The following CIB4 variants were observed in gnomAD, a reference collection of about 807,000 sequenced individuals.
The protein encoded by CIB4 is calcium and integrin binding family member 4.
CIB4 carries 25 observed loss-of-function variants against 25.8 expected under a neutral mutation model. The ratio of observed to expected loss-of-function variants is 0.97; its 90% CI spans 0.71 to 1.35. The LOEUF is 1.35. Ranked by LOEUF, CIB4 falls within the 40% of genes most tolerant of loss-of-function variation. The pLI is 0.00. For synonymous variants in CIB4, 75 were observed against 81.4 expected, an observed-to-expected ratio of 0.92 and a Z score of 0.42; for missense variants, 235 against 228.2, an observed-to-expected ratio of 1.03 and a Z score of -0.19.
chr2:26,586,255 C>A (rs926062261), intron 4 of CIB4, among the ~76,000 whole-genome samples: 1 of 152,164 alleles, frequency 6.6e-6, no homozygotes, highest in Non-Finnish European at 1.5e-5. Context: ...CAAGTCAGCC[C>A]GCCCTCACTC....
chr2:26,601,227 AAAAAATATATATATAT>A (rs1558561011), intron 3 of CIB4, among the ~76,000 whole-genome samples: 2 of 44,380 alleles, frequency 4.5e-5, no homozygotes, highest in Admixed American at 3.4e-4. Context: ...CAAAAAAAAA[AAAAAATATATATATAT>A]ATATATATAT....
At chr2:26,601,596 A>G (rs1365338648) in intron 3 of CIB4, among the ~76,000 whole-genome samples, 1 of 152,176 alleles carries the variant, frequency 6.6e-6, no homozygotes, top group African/African-American at 2.4e-5. Flanking sequence ...GGATATCTTC[A>G]TAATCTCGGG....
chr2:26,640,691 C>T, intron 1 of CIB4, 124 bp from the exon 2 acceptor site: 1 of 1,045,368 alleles, frequency 9.6e-7, no homozygotes, highest in Middle Eastern at 2.3e-4. Flanking sequence ...GCTGGGGGAA[C>T]CCCAGGTTGA....
chr2:26,637,955 A>T (rs1669564325), intron 2 of CIB4, among the ~76,000 whole-genome samples: 1 of 152,136 alleles, frequency 6.6e-6, no homozygotes, highest in African/African-American at 2.4e-5. Flanking sequence ...GGAGTTGGAT[A>T]CTTTGCCCTC....
rs1669375115 is a variant in CIB4 at position 26,629,500 on chromosome 2, A to G, written c.96T>C (p.His32=). 1 of 1,567,958 alleles carries G rather than the reference A, an allele frequency of 6.4e-7. No individual in the cohort carries two copies. Among genetic ancestry groups the G allele is most frequent in the East Asian group, 2.3e-5 (1 of 43,304 alleles). Residue 32 remains histidine, a synonymous_variant, in exon 3 of 7, where the codon CAT becomes CAC. Transcript: ENST00000288861. ...FLTRNEILCI[H]DTFLKLCPPG... is the part of the protein sequence containing the mutation. Reference sequence around the variant, plus strand: ...GAGGGCAGAGCTTCAGGAAGGTGTCATGGATGCTGAAAAGAGAGGCATGAA... The same window carrying G: ...GAGGGCAGAGCTTCAGGAAGGTGTCGTGGATGCTGAAAAGAGAGGCATGAA...
chr2:26,581,957 A>T (rs1282429690), intron 6 of CIB4, among the ~76,000 whole-genome samples: 1 of 152,196 alleles, frequency 6.6e-6, no homozygotes, highest in African/African-American at 2.4e-5. Context: ...TATAAACTTG[A>T]CCACTGCAGG....
In CIB4 at chr2:26,583,933, G is replaced by C. The variant is rs1558552294; in HGVS notation, c.329-35C>G. ...AGAGGCCAGGCCTGCATTAGACGGA[G>C]CTGGGGGCTAAACAGGAAGAGGACT... On this transcript the variant is annotated intron_variant, in intron 4 of 6. Transcript: ENST00000288861. 3.6e-6 allele frequency: 5 copies of C among 1,371,942 alleles called. No homozygotes were observed. In the African/African-American group the frequency reaches 4.2e-5, roughly 12 times the overall value. 85.0% of individuals were successfully genotyped at this position (1,371,942 alleles called of 1,614,324 possible).
intron 2 of CIB4, among the ~76,000 whole-genome samples, chr2:26,638,559 C>T (rs1350414286): frequency 6.6e-6 from 1 of 152,064 alleles, no homozygotes; most frequent in Non-Finnish European, 1.5e-5. Flanking sequence ...CATTTGAAGC[C>T]CCTGGGTTAG....
intron 3 of CIB4, among the ~76,000 whole-genome samples, chr2:26,609,109 G>GT (rs1229081541): frequency 6.6e-6 from 1 of 152,216 alleles, no homozygotes. Context: ...CGCTTTGCTG[G>GT]TTTTATCGAA....
intron 4 of CIB4, among the ~76,000 whole-genome samples, chr2:26,586,274 T>A (rs1668451189): frequency 6.6e-6 from 1 of 152,160 alleles, no homozygotes; most frequent in Non-Finnish European, 1.5e-5. Context: ...TCTGCCTCCT[T>A]GCTCAGTCAA....
At chr2:26,595,583 G>A (rs556031244) in intron 3 of CIB4, among the ~76,000 whole-genome samples, 1 of 152,374 alleles carries the variant, frequency 6.6e-6, no homozygotes, top group South Asian at 2.1e-4. Flanking sequence ...TAATGCAAAT[G>A]CAAATGAACA....
At chr2:26,617,782 C>T (rs1183860719) in intron 3 of CIB4, among the ~76,000 whole-genome samples, 1 of 152,216 alleles carries the variant, frequency 6.6e-6, no homozygotes, top group East Asian at 1.9e-4. Flanking sequence ...ATCCTTTGCC[C>T]TCTGGCTGAG....
At chr2:26,587,995 T>C (rs1668488554) in intron 4 of CIB4, among the ~76,000 whole-genome samples, 1 of 152,192 alleles carries the variant, frequency 6.6e-6, no homozygotes, top group Admixed American at 6.5e-5. Flanking sequence ...CCCTCACTCC[T>C]CCAGCAGTGC....
At chr2:26,590,211 C>T (rs1668558828) in intron 4 of CIB4, among the ~76,000 whole-genome samples, 1 of 144,316 alleles carries the variant, frequency 6.9e-6, no homozygotes, top group South Asian at 2.2e-4. Flanking sequence ...CCAGGACATA[C>T]CCAATACCAT....
At chr2:26,592,411 G>A (rs899505674) in intron 4 of CIB4, among the ~76,000 whole-genome samples, 2 of 152,220 alleles carry the variant, frequency 1.3e-5, no homozygotes, top group Non-Finnish European at 2.9e-5. Flanking sequence ...GTGGACAGGT[G>A]GGGCCCATGA....
At chr2:26,587,447 G>A (rs1668479896) in intron 4 of CIB4, among the ~76,000 whole-genome samples, 1 of 150,984 alleles carries the variant, frequency 6.6e-6, no homozygotes. Flanking sequence ...TACTGTCTTT[G>A]GCCACCAAAT....
chr2:26,638,998 T>C (rs563217968), intron 2 of CIB4, among the ~76,000 whole-genome samples: 2 of 148,838 alleles, frequency 1.3e-5, no homozygotes, highest in South Asian at 2.1e-4. Flanking sequence ...CAGAACAGTA[T>C]GAAGGGATAA....
intron 4 of CIB4, among the ~76,000 whole-genome samples, chr2:26,592,734 G>A (rs548173357): frequency 2.0e-5 from 3 of 152,054 alleles, no homozygotes; most frequent in South Asian, 2.1e-4. Flanking sequence ...CAATTCTCTC[G>A]TTAAGCTCAT....
intron 3 of CIB4, among the ~76,000 whole-genome samples, chr2:26,622,457 G>A (rs1669224808): frequency 6.6e-6 from 1 of 152,168 alleles, no homozygotes. Flanking sequence ...GGGGAACAAG[G>A]AGTGAGGAAT....
Sources: allele counts gnomAD v4.1 joint callset (sites outside exome capture counted in the v4.1 genomes callset), GRCh38; gene constraint gnomAD v4.1.1; transcripts MANE v1.5; gene names NCBI Gene and HGNC (gene_info 2026-07-23, HGNC 2026-07-21).